Variants in CAMTA1 observed in about 807,000 individuals in gnomAD.
CAMTA1 encodes calmodulin binding transcription activator 1, also known as calmodulin-binding transcription activator 1.
A neutral mutation model predicts 170.9 loss-of-function variants in CAMTA1; 27 were observed. The ratio of observed to expected loss-of-function variants is 0.16; its 90% confidence interval spans 0.12 to 0.22. CAMTA1 has a LOEUF of 0.22. Among genes scored for constraint, CAMTA1 ranks in the 10% least tolerant of loss-of-function variants. The probability of loss-of-function intolerance (pLI) is 1.00; values close to 1 mark genes in which losing one functional copy is unlikely to be tolerated. For missense variants in CAMTA1, 1,619 were observed against 2,217.2 expected (o/e 0.73, Z 5.42); for synonymous variants, 833 against 891.5 (o/e 0.93, Z 1.17).
intron 1 of CAMTA1, among the ~76,000 whole-genome samples, chr1:6,810,534 C>T (rs934851103): frequency 6.6e-6 from 1 of 152,144 alleles, no homozygotes; most frequent in African/African-American, 2.4e-5. Flanking sequence ...TGGCTGGGCG[C>T]GGTGGCTCAT....
At chr1:7,655,288 A>C (rs1436680818) in intron 7 of CAMTA1, among the ~76,000 whole-genome samples, 2 of 144,362 alleles carry the variant, frequency 1.4e-5, no homozygotes. Flanking sequence ...CGTTATACAC[A>C]CACACACCTA....
intron 12 of CAMTA1, among the ~76,000 whole-genome samples, chr1:7,735,444 CA>C (rs1028269439): frequency 4.1e-3 from 241 of 58,110 alleles, no homozygotes; most frequent in Middle Eastern, 8.8e-3. Context: ...GACTCTGTCT[CA>C]AAAAAAAAAA....
At chr1:7,761,321 C>T (rs1175009416) in intron 22 of CAMTA1, among the ~76,000 whole-genome samples, 1 of 152,310 alleles carries the variant, frequency 6.6e-6, no homozygotes, top group Non-Finnish European at 1.5e-5. Context: ...GCAGCACTGG[C>T]GCTGTGGGAA....
chr1:7,738,508 C>G lies in CAMTA1; in HGVS notation c.4182+26C>G, dbSNP rs200773862. 5.6e-6 allele frequency: 9 copies of G among 1,601,520 alleles called. No homozygotes were observed. Among genetic ancestry groups the G allele is most frequent in the Non-Finnish European group, 6.8e-6 (8 of 1,172,336 alleles). ...GTAAAAAGCAGGGACAGGGTAAGCC[C>G]GCAGAGGCTGGTGCGTTCCAGTTGC... On this transcript the variant is annotated intron_variant, in intron 16 of 22. Transcript: ENST00000303635. This position sits in a 1 kb window ranked among gnomAD's most constrained non-coding sequence, Gnocchi z 4.9.
chr1:7,358,166 C>A (rs1359688146), intron 5 of CAMTA1, among the ~76,000 whole-genome samples: 1 of 152,220 alleles, frequency 6.6e-6, no homozygotes, highest in African/African-American at 2.4e-5. Context: ...AGTCACTGGT[C>A]ACTGGGGCTA....
In CAMTA1 at chr1:6,837,835, C is replaced by G. The variant is rs148224664; in HGVS notation, c.234+12625C>G. ...TCAACAATCTATTCCTCAAGCAATTCAGAGAACCTGCTGTGTGGTGATTAT... is the reference window on the plus strand; with the variant it reads ...TCAACAATCTATTCCTCAAGCAATTGAGAGAACCTGCTGTGTGGTGATTAT... On this transcript the variant is annotated intron_variant, in intron 3 of 22. Coordinates refer to ENST00000303635, the MANE Select transcript of CAMTA1 (RefSeq NM_015215.4). 2.9e-3 allele frequency among the ~76,000 whole-genome samples: 443 copies of G among 152,252 alleles called. 1 individual carries two copies. Among genetic ancestry groups the G allele is most frequent in the Non-Finnish European group, 4.5e-3 (305 of 68,006 alleles).
Position 6,852,370 on chromosome 1 carries a change from A to G in CAMTA1, c.234+27160A>G, listed in dbSNP as rs182850083. ...CTCTGTGGACTCCGGGTATTCTGCAATTTAACTCAATTTGGATACTAACTG... is the reference window on the plus strand; with the variant it reads ...CTCTGTGGACTCCGGGTATTCTGCAGTTTAACTCAATTTGGATACTAACTG... On this transcript the variant is annotated intron_variant, in intron 3 of 22. Transcript: ENST00000303635. Among the ~76,000 whole-genome samples the G allele has an allele frequency of 3.3e-5, 5 of 152,280 alleles. 1 individual carries two copies. In the South Asian group the frequency reaches 6.2e-4, roughly 19 times the overall value.
At chr1:6,907,417 A>G (rs1295715137) in intron 3 of CAMTA1, among the ~76,000 whole-genome samples, 1 of 152,066 alleles carries the variant, frequency 6.6e-6, no homozygotes, top group Non-Finnish European at 1.5e-5. Context: ...GGGTGCATGC[A>G]GAGGTTTTCA....
intron 1 of CAMTA1, 112 bp from the exon 2 acceptor site, chr1:6,820,066 CTGA>C (rs1646310144): frequency 1.4e-5 from 10 of 690,230 alleles, no homozygotes; most frequent in Non-Finnish European, 2.6e-5. Flanking sequence ...TTGGATTTGT[CTGA>C]TGTTTCCTCA....
chr1:7,661,595 C>T (rs1208396629), intron 7 of CAMTA1, 131 bp from the exon 8 acceptor site: 14 of 1,020,614 alleles, frequency 1.4e-5, no homozygotes, highest in South Asian at 3.1e-5. Flanking sequence ...CTCATCAATT[C>T]GCCCCAGGAG....
chr1:7,403,168 C>T (rs1429751135), intron 5 of CAMTA1, among the ~76,000 whole-genome samples: 3 of 152,084 alleles, frequency 2.0e-5, no homozygotes, highest in Non-Finnish European at 4.4e-5. Flanking sequence ...GCCTGCCCAA[C>T]ATGGCAAAAC....
chr1:7,132,140 A>G (rs1340455848), intron 4 of CAMTA1, among the ~76,000 whole-genome samples: 1 of 152,148 alleles, frequency 6.6e-6, no homozygotes, highest in African/African-American at 2.4e-5. Context: ...TTTCATTTCC[A>G]TATACATTTT....
rs906269726 is a variant in CAMTA1, at chr1:7,278,813, A to G, written c.438+29187A>G. ...CACGTAGCTTCCAGTCCGGTAGAGG[A>G]GATACAATTTAATCATCCAATTGTA... On this transcript the variant is annotated intron_variant, in intron 5 of 22. Transcript: ENST00000303635. Among the ~76,000 whole-genome samples the G allele has an allele frequency of 5.9e-5, 9 of 152,312 alleles. No homozygotes were observed. In the East Asian group the frequency reaches 1.7e-3, roughly 29 times the overall value.
intron 6 of CAMTA1, among the ~76,000 whole-genome samples, chr1:7,491,764 C>T (rs748998876): frequency 6.6e-6 from 1 of 152,198 alleles, no homozygotes; most frequent in Non-Finnish European, 1.5e-5. Flanking sequence ...TGTTTAAAAA[C>T]GAAGTCACTC....
rs539694240 is a variant in CAMTA1, at chr1:7,512,424, C to T, written c.510+44523C>T. Among the ~76,000 whole-genome samples, 10 of 152,276 alleles carry T rather than the reference C, an allele frequency of 6.6e-5. No individual in the cohort carries two copies. The South Asian group carries it at 1.0e-3, about 16-fold the overall frequency. ...AAGGGTAGCAAATTAGTCAGGTTTG[C>T]GGCAACACTGCTCGGTAACAAACAG... On this transcript the variant is annotated intron_variant, in intron 6 of 22. Transcript: ENST00000303635.
chr1:7,647,278 A>AGAG (rs2095814204), intron 7 of CAMTA1, among the ~76,000 whole-genome samples: 1 of 146,002 alleles, frequency 6.8e-6, no homozygotes, highest in South Asian at 2.3e-4. Context: ...AAGATCCAGA[A>AGAG]GGGGGGGGGG....
chr1:6,892,310 A>G (rs1369449068), intron 3 of CAMTA1, among the ~76,000 whole-genome samples: 1 of 152,198 alleles, frequency 6.6e-6, no homozygotes, highest in East Asian at 1.9e-4. Context: ...TGACATTGAC[A>G]CTACCAGCAC....
intron 4 of CAMTA1, among the ~76,000 whole-genome samples, chr1:7,242,173 C>T (rs1664980963): frequency 6.6e-6 from 1 of 152,108 alleles, no homozygotes; most frequent in South Asian, 2.1e-4. Context: ...ATCTGAATGG[C>T]TAACAAGGAC....
In CAMTA1 at chr1:7,299,734, G is replaced by A. The variant is rs1674493198; in HGVS notation, c.438+50108G>A. 6.6e-6 allele frequency among the ~76,000 whole-genome samples: 1 copy of A among 152,222 alleles called. No individual in the cohort carries two copies. The highest frequency in any genetic ancestry group is 2.1e-4 in the South Asian group (1 of 4,830). The stretch of plus-strand genomic sequence containing the variant: ...ACTGTGGGTGAGAGGGTACAAGGAG[G>A]TGTTCCAACCCCTCACTGAGACAGG... On this transcript the variant is annotated intron_variant, in intron 5 of 22. Transcript: ENST00000303635. The surrounding 1 kb of genome is among the most constrained non-coding windows in gnomAD (Gnocchi z 4.7).
Sources: gnomAD v4.1 joint callset for allele counts (sites outside exome capture counted in the v4.1 genomes callset) on GRCh38, gnomAD v4.1.1 for gene constraint, Gnocchi (gnomAD v3.1) non-coding constraint, MANE v1.5 for transcripts, NCBI Gene and HGNC (gene_info 2026-07-23, HGNC 2026-07-21) for gene names.